Variants in AFF1 observed in about 807,000 individuals in gnomAD.
AFF1 encodes ALF transcription elongation factor 1, also known as AF4/FMR2 family member 1.
In AFF1, 48 loss-of-function variants were observed where a neutral mutation model predicts 121.7. That is an observed-to-expected ratio of 0.39 (90% CI 0.31 to 0.50). The LOEUF (loss-of-function observed/expected upper bound fraction) is 0.50. Among genes scored for constraint, AFF1 ranks in the 20% least tolerant of loss-of-function variants. The pLI is 0.76. For missense variants in AFF1, 1,523 were observed against 1,511.7 expected, an observed-to-expected ratio of 1.01 and a Z score of -0.12; for synonymous variants, 613 against 563.0, an observed-to-expected ratio of 1.09 and a Z score of -1.26.
chr4:87,137,692 G>A lies in AFF1; in HGVS notation c.*1991G>A, dbSNP rs1278396553. 1 of 231,932 alleles carries A rather than the reference G, an allele frequency of 4.3e-6. No individual in the cohort carries two copies. The highest frequency in any genetic ancestry group is 8.5e-6 in the Non-Finnish European group (1 of 117,326). The allele number at this position is 231,932 out of a possible 1,614,324, so 14.4% of individuals were successfully genotyped here. ...GAACAGTAATTGCCTGGTAGGTTTG[G>A]TGTGTGTGTAGCATTGTGTGTCCAT... On this transcript the variant is annotated 3_prime_UTR_variant, in exon 21 of 21. Transcript: ENST00000395146.
At chr4:87,034,271 G>C (rs75550773) in intron 2 of AFF1, among the ~76,000 whole-genome samples, 1 of 152,050 alleles carries the variant, frequency 6.6e-6, no homozygotes, top group Admixed American at 6.6e-5. Context: ...GGGAGGATAG[G>C]GGGAGGAAGG....
intron 2 of AFF1, among the ~76,000 whole-genome samples, chr4:86,969,574 T>C (rs1386737813): frequency 1.6e-3 from 51 of 31,314 alleles, no homozygotes; most frequent in African/African-American, 3.3e-3. Context: ...ATGAAATAGT[T>C]GTTAAAAAAA....
chr4:87,063,889 A>T (rs1721071031), intron 4 of AFF1, among the ~76,000 whole-genome samples: 1 of 152,218 alleles, frequency 6.6e-6, no homozygotes, highest in Admixed American at 6.5e-5. Context: ...TGTGCCTAGA[A>T]GTCAGCAGAA....
intron 4 of AFF1, among the ~76,000 whole-genome samples, chr4:87,063,077 G>A (rs1448842829): frequency 6.6e-6 from 1 of 152,082 alleles, no homozygotes; most frequent in Admixed American, 6.6e-5. Context: ...ACAGTTCTTT[G>A]TAAGGAGATA....
At chr4:87,086,124 T>A (rs1723711711) in intron 5 of AFF1, among the ~76,000 whole-genome samples, 1 of 152,234 alleles carries the variant, frequency 6.6e-6, no homozygotes, top group African/African-American at 2.4e-5. Context: ...TTACATTTTT[T>A]ATCATCCTTT....
At chr4:87,014,406 G>A (rs1204383021) in intron 2 of AFF1, among the ~76,000 whole-genome samples, 1 of 152,154 alleles carries the variant, frequency 6.6e-6, no homozygotes, top group Non-Finnish European at 1.5e-5. Context: ...TGAAAGTTTT[G>A]TTTTTTAAGA....
intron 2 of AFF1, among the ~76,000 whole-genome samples, chr4:87,008,830 T>C (rs1726437605): frequency 6.6e-6 from 1 of 152,228 alleles, no homozygotes; most frequent in Admixed American, 6.5e-5. Context: ...GTACCATTGA[T>C]TTCTTTTAAA....
chr4:87,076,095 G>A (rs1560601922), intron 4 of AFF1, among the ~76,000 whole-genome samples: 1 of 152,072 alleles, frequency 6.6e-6, no homozygotes, highest in Non-Finnish European at 1.5e-5. Flanking sequence ...AGAGTCAAGG[G>A]AGGGAAGACT....
chr4:87,031,226 T>C (rs1044626480), intron 2 of AFF1, among the ~76,000 whole-genome samples: 1 of 152,136 alleles, frequency 6.6e-6, no homozygotes. Context: ...AAACACCCTA[T>C]GGTGAATGAT....
Position 86,940,555 on chromosome 4 carries a change from C to T in AFF1, c.-37+5315C>T, listed in dbSNP as rs191607458. ...CTGGGATCACAGGCATGTGCCACCA[C>T]GACCAGCTAATTTTTGTATTTTTAG... On this transcript the variant is annotated intron_variant, in intron 1 of 20. Coordinates refer to ENST00000395146, the MANE Select transcript of AFF1 (RefSeq NM_001166693.3). Among the ~76,000 whole-genome samples, 1,376 of 152,146 alleles carry T rather than the reference C, an allele frequency of 9.0e-3. 16 individuals are homozygous for T. The highest frequency in any genetic ancestry group is 0.019 in the Admixed American group (288 of 15,282).
At chr4:87,013,286 C>T (rs1026587772) in intron 2 of AFF1, among the ~76,000 whole-genome samples, 1 of 152,026 alleles carries the variant, frequency 6.6e-6, no homozygotes, top group South Asian at 2.1e-4. Flanking sequence ...GTGATCCTCC[C>T]GCCTCGGCCT....
intron 4 of AFF1, among the ~76,000 whole-genome samples, chr4:87,068,606 G>A (rs563284010): frequency 5.1e-4 from 78 of 152,342 alleles, no homozygotes; most frequent in African/African-American, 1.8e-3. Flanking sequence ...CGCACATGGT[G>A]CTTTGCACGA....
chr4:87,040,455 G>A (rs978047671), intron 2 of AFF1, among the ~76,000 whole-genome samples: 1 of 152,086 alleles, frequency 6.6e-6, no homozygotes. Context: ...TTTATTTAAC[G>A]CAGCCTGACA....
chr4:87,095,032 A>G lies in AFF1; in HGVS notation c.1283+63A>G, dbSNP rs532533180. ...TATGAAATTGTAATGTCTCATGTCA[A>G]TGCATTGCTTAGATTTTTCTGCCTT... On this transcript the variant is annotated intron_variant, in intron 8 of 20. Coordinates refer to ENST00000395146, the MANE Select transcript of AFF1 (RefSeq NM_001166693.3). 11 of 1,458,976 alleles carry G rather than the reference A, an allele frequency of 7.5e-6. No homozygotes were observed. The South Asian group carries it at 9.2e-5, about 12-fold the overall frequency. The allele number at this position is 1,458,976 out of a possible 1,614,324, so 90.4% of individuals were successfully genotyped here.
chr4:87,127,773 A>G (rs1273029977), intron 16 of AFF1, 70 bp downstream of exon 16: 6 of 1,438,326 alleles, frequency 4.2e-6, no homozygotes, highest in Non-Finnish European at 5.8e-6. Context: ...GGTAGTCTCC[A>G]TTCTGCTGTA....
intron 8 of AFF1, 56 bp downstream of exon 8, chr4:87,095,025 CAT>C (rs1303661030): frequency 4.1e-6 from 6 of 1,466,500 alleles, no homozygotes; most frequent in Non-Finnish European, 5.7e-6. Context: ...TGTAATGTCT[CAT>C]GTCAATGCAT....
rs560535290 is a variant in AFF1 at position 87,046,774 on chromosome 4, C to T, written c.239C>T (p.Thr80Ile). The change falls in exon 4 of 21, where the codon ACT becomes ATT. Residue 80 changes from threonine to isoleucine, a missense_variant. Thr to Ile is a moderately conservative substitution (Grantham distance 89). Around this residue, in one of 5 missense-constraint regions of AFF1, gnomAD observed 369 missense variants for 367.2 expected, o/e 1.00. Coordinates refer to ENST00000395146, the MANE Select transcript of AFF1 (RefSeq NM_001166693.3). ...NYEEVKEFLS[T>I]KSHTHRLDAS... Reference sequence around the variant, plus strand: ...GAAGAAGTGAAGGAGTTCCTTAGTACTAAGTCTCACACTCATCGCCTGGAT... The same window carrying T: ...GAAGAAGTGAAGGAGTTCCTTAGTATTAAGTCTCACACTCATCGCCTGGAT... The T allele has an allele frequency of 1.5e-5, 24 of 1,614,106 alleles. No homozygotes were observed. The African/African-American group carries it at 2.8e-4, about 19-fold the overall frequency.
chr4:87,001,064 A>G lies in AFF1; in HGVS notation c.39-45102A>G, dbSNP rs147833194. On this transcript the variant is annotated intron_variant, in intron 2 of 20. Transcript: ENST00000395146. ...ACCTGGATGTGTTTAATGAGGATCT[A>G]TCTATTAATATTGATTTAACCCCGG... is the stretch of plus-strand genomic sequence containing the variant. 1.1e-3 allele frequency among the ~76,000 whole-genome samples: 160 copies of G among 152,200 alleles called. 1 individual carries two copies. The highest frequency in any genetic ancestry group is 1.9e-3 in the Non-Finnish European group (131 of 67,996).
chr4:87,049,614 T>C, intron 4 of AFF1: 1 of 454,852 alleles, frequency 2.2e-6, no homozygotes, highest in Non-Finnish European at 4.4e-6. Context: ...CTGTCAACAA[T>C]GGAGTAGAAG....
Sources: gnomAD v4.1 joint callset for allele counts (sites outside exome capture counted in the v4.1 genomes callset) on GRCh38, gnomAD v4.1.1 for gene constraint, gnomAD v4.1.1 regional missense constraint, MANE v1.5 for transcripts, NCBI Gene and HGNC (gene_info 2026-07-23, HGNC 2026-07-21) for gene names.